The following CPSF1 variants were observed in gnomAD, a reference collection of about 807,000 sequenced individuals.
CPSF1 encodes cleavage and polyadenylation specific factor 1.
CPSF1 carries 106 observed loss-of-function variants against 175.8 expected under a neutral mutation model. That is an observed-to-expected ratio of 0.60 (90% CI 0.52 to 0.71). The LOEUF (loss-of-function observed/expected upper bound fraction) is 0.71. Ranked by LOEUF, CPSF1 falls within the 30% of genes least tolerant of loss-of-function variation. CPSF1 has a pLI of 0.00. For missense variants in CPSF1, 1,734 were observed against 2,022.9 expected, an observed-to-expected ratio of 0.86 and a Z score of 2.74; for synonymous variants, 1,024 against 858.3, an observed-to-expected ratio of 1.19 and a Z score of -3.37.
rs782713363 is a variant in CPSF1, at chr8:144,394,133, A to G, written c.3839T>C (p.Val1280Ala). ...CTCACCTTCGGGCAGGTACATGTAC[A>G]CCATGAGGTTGCGGTCGCGGTCAGA... ...LVSDRDRNLMVYMYLPEAKES... is the reference protein window; with the variant it reads ...LVSDRDRNLMAYMYLPEAKES... The change falls in exon 34 of 38, where the codon GTG becomes GCG. Residue 1280 changes from valine to alanine, a missense_variant. By Grantham distance (64) the Val-to-Ala change is moderately conservative. Coordinates refer to ENST00000616140, the MANE Select transcript of CPSF1 (RefSeq NM_013291.3). 6.2e-7 allele frequency: 1 copy of G among 1,612,886 alleles called. No homozygotes were observed. Among genetic ancestry groups the G allele is most frequent in the East Asian group, 2.2e-5 (1 of 44,870 alleles).
intron 23 of CPSF1, 37 bp downstream of exon 23, chr8:144,397,170 G>A: frequency 6.6e-7 from 1 of 1,505,896 alleles, no homozygotes; most frequent in South Asian, 1.2e-5. Context: ...GGGCCAGGGG[G>A]AAGATGGGAA....
At chr8:144,393,854 C>A (rs1554862413) in intron 35 of CPSF1, 29 bp downstream of exon 35, 4 of 1,601,834 alleles carry the variant, frequency 2.5e-6, no homozygotes, top group Non-Finnish European at 2.6e-6. Flanking sequence ...GGGCCCCCCA[C>A]CCAGACACAC....
intron 26 of CPSF1, chr8:144,395,832 C>T: frequency 1.8e-6 from 1 of 547,974 alleles, no homozygotes. Flanking sequence ...GGGCAGCCCA[C>T]AGACTGCCAT....
At chr8:144,406,281 C>T (rs1380938378) in intron 2 of CPSF1, among the ~76,000 whole-genome samples, 1 of 152,242 alleles carries the variant, frequency 6.6e-6, no homozygotes, top group Non-Finnish European at 1.5e-5. Context: ...TGACTCTCCT[C>T]CCCTGCTGGG....
chr8:144,407,854 G>A (rs2116909513), intron 2 of CPSF1, among the ~76,000 whole-genome samples: 14 of 152,098 alleles, frequency 9.2e-5, no homozygotes, highest in African/African-American at 1.7e-4. Context: ...CCTGAGATTC[G>A]GTTACAGGAC....
At chr8:144,407,022 C>A (rs1821534563) in intron 2 of CPSF1, among the ~76,000 whole-genome samples, 2 of 152,010 alleles carry the variant, frequency 1.3e-5, no homozygotes, top group South Asian at 4.2e-4. Context: ...TCAAGCAATT[C>A]TCCTGCCTCA....
In CPSF1 at chr8:144,399,360, C is replaced by T. The variant is rs2116861666; in HGVS notation, c.1308G>A (p.Ser436=). ...ATAGWSAAGK[S]VPQDEVDEIE... ...TCTCGTCCACCTCATCCTGCGGCACCGACTTACCCGCAGCTGCACACAGAG... is the reference window on the plus strand; with the variant it reads ...TCTCGTCCACCTCATCCTGCGGCACTGACTTACCCGCAGCTGCACACAGAG... Residue 436 remains serine (S), a synonymous_variant, in exon 14 of 38, where the codon TCG becomes TCA. Transcript: ENST00000616140. This position sits in a 1 kb window ranked among gnomAD's most constrained non-coding sequence, Gnocchi z 6.4. 109 of 1,612,656 alleles carry T rather than the reference C, an allele frequency of 6.8e-5. No individual in the cohort carries two copies. The highest frequency in any genetic ancestry group is 8.6e-5 in the Non-Finnish European group (102 of 1,179,984).
At chr8:144,395,933 C>G (rs1457591782) in intron 26 of CPSF1, 3 of 394,240 alleles carry the variant, frequency 7.6e-6, no homozygotes, top group African/African-American at 6.0e-5. Flanking sequence ...GCACTCACCG[C>G]ATCCCAGGCA....
chr8:144,393,566 G>T lies in CPSF1; in HGVS notation c.4170C>A (p.Thr1390=). 1 of 1,604,910 alleles carries T rather than the reference G, an allele frequency of 6.2e-7. No individual in the cohort carries two copies. The change falls in exon 37 of 38, where the codon ACC becomes ACA. Residue 1390 remains threonine, a synonymous_variant. Coordinates refer to ENST00000616140, the MANE Select transcript of CPSF1 (RefSeq NM_013291.3). ...AFRMLHVDRR[T]LQNAVRNVLD... ...GCACGTTGCGCACGGCATTCTGGAGGGTGCGGCGGTCCACGTGCAGCATCC... is the reference window on the plus strand; with the variant it reads ...GCACGTTGCGCACGGCATTCTGGAGTGTGCGGCGGTCCACGTGCAGCATCC...
intron 17 of CPSF1, 41 bp downstream of exon 17, chr8:144,398,738 G>A (rs187614846): frequency 2.8e-5 from 45 of 1,590,480 alleles, no homozygotes; most frequent in African/African-American, 2.5e-4. Flanking sequence ...AGGCAGCGCC[G>A]GTCCCATCCC....
At position 144,399,857 on chromosome 8, in the gene CPSF1, GT is replaced by G; in HGVS notation, c.1042del (p.Thr348ProfsTer123). 1 of 1,554,470 alleles carries G rather than the reference GT, an allele frequency of 6.4e-7. No homozygotes were observed. Among genetic ancestry groups the G allele is most frequent in the Non-Finnish European group, 8.7e-7 (1 of 1,149,314 alleles). ...ACTGCGCATGCCGTCGGTGATGAGG[GT>G]CAGCACGTAGCTGGGGGCAGGGAGA... ...SLKGGEIYVLTLITDGMRSVR... is the reference protein window; with the variant it reads ...SLKGGEIYVLXLITDGMRSVR... On this transcript the variant is annotated frameshift_variant, in exon 11 of 38. Transcript: ENST00000616140. LOFTEE classifies it high-confidence loss of function. This position sits in a 1 kb window ranked among gnomAD's most constrained non-coding sequence, Gnocchi z 6.4.
At chr8:144,407,034 C>G (rs1199191174) in intron 2 of CPSF1, among the ~76,000 whole-genome samples, 2 of 152,064 alleles carry the variant, frequency 1.3e-5, no homozygotes, top group African/African-American at 4.8e-5. Context: ...CCTGCCTCAG[C>G]CTCCTGAGTA....
At position 144,393,986 on chromosome 8, in the gene CPSF1, C is replaced by A. The variant is rs1554862505; in HGVS notation, c.3912G>T (p.Val1304=). ...MRLLRRADFH[V]GAHVNTFWRT... ...TCCAGAACGTGTTCACGTGGGCACCCACGTGGAAGTCTGCCCGACGCAGCA... is the reference window on the plus strand; with the variant it reads ...TCCAGAACGTGTTCACGTGGGCACCAACGTGGAAGTCTGCCCGACGCAGCA... The change falls in exon 35 of 38, where the codon GTG becomes GTT. Residue 1304 remains valine (V), a synonymous_variant. Transcript: ENST00000616140. 4 of 1,613,384 alleles carry A rather than the reference C, an allele frequency of 2.5e-6. No individual in the cohort carries two copies. The highest frequency in any genetic ancestry group is 1.3e-5 in the African/African-American group (1 of 74,930).
intron 2 of CPSF1, among the ~76,000 whole-genome samples, chr8:144,405,977 C>G (rs1821479341): frequency 6.6e-6 from 1 of 152,150 alleles, no homozygotes; most frequent in Admixed American, 6.5e-5. Flanking sequence ...GAGCCAAGGG[C>G]TCCCCACACT....
In CPSF1 at chr8:144,396,441, C is replaced by T; in HGVS notation, c.2886G>A (p.Arg962=). 2 of 1,596,870 alleles carry T rather than the reference C, an allele frequency of 1.3e-6. No individual in the cohort carries two copies. Among genetic ancestry groups the T allele is most frequent in the Non-Finnish European group, 1.7e-6 (2 of 1,173,380 alleles). Residue 962 remains arginine (R), a synonymous_variant, in exon 26 of 38, where the codon CGG becomes CGA. Coordinates refer to ENST00000616140, the MANE Select transcript of CPSF1 (RefSeq NM_013291.3). ...WLLVTGRGAL[R]LHPMAIDGPV... ...GGCCGTCGATGGCCATGGGGTGTAG[C>T]CGCAGAGCCCCTCGGCCGGTCACCA... is the stretch of plus-strand genomic sequence containing the variant.
chr8:144,395,331 T>G lies in CPSF1; in HGVS notation c.3121A>C (p.Asn1041His). ...CGTGGGATGCGGGCACACGGCGTGT[T>G]GGTGCTGGTGGCCACAGCATACACC... is the stretch of plus-strand genomic sequence containing the variant. ...SKVYAVATST[N>H]TPCARIPRMT... The change falls in exon 28 of 38, where the codon AAC becomes CAC. Residue 1041 changes from asparagine (N) to histidine (H), a missense_variant. Physicochemically the swap from Asn to His is moderately conservative, Grantham distance 68. Coordinates refer to ENST00000616140, the MANE Select transcript of CPSF1 (RefSeq NM_013291.3). 2 of 1,612,776 alleles carry G rather than the reference T, an allele frequency of 1.2e-6. No individual in the cohort carries two copies. The highest frequency in any genetic ancestry group is 2.2e-5 in the South Asian group (2 of 91,040).
At chr8:144,396,534 A>C in intron 25 of CPSF1, 34 bp from the exon 26 acceptor site, 1 of 1,609,770 alleles carries the variant, frequency 6.2e-7, no homozygotes, top group African/African-American at 1.3e-5. Context: ...GCTGTGGATG[A>C]GGATGCTGCG....
intron 9 of CPSF1, 31 bp downstream of exon 9, chr8:144,400,135 G>GGGGGGGGGCCCCCCCCCCCCCCCCCC: frequency 4.5e-6 from 4 of 896,008 alleles, no homozygotes; most frequent in Non-Finnish European, 6.4e-6. Context: ...CCGTCCCCGG[G>GGGGGGGGGCCCCCCCCCCCCCCCCCC]CCCCCCCCGC....
Position 144,399,081 on chromosome 8 carries a change from C to A in CPSF1, c.1468-43G>T, listed in dbSNP as rs1481985253. The A allele has an allele frequency of 4.5e-6, 7 of 1,546,004 alleles. No homozygotes were observed. The highest frequency in any genetic ancestry group is 6.1e-6 in the Non-Finnish European group (7 of 1,144,356). ...GTGAGGACTATGCCCCCCACCCCCC[C>A]TCACACTCCAGCCCCTGCCCCCAGC... On this transcript the variant is annotated intron_variant, in intron 15 of 37. Coordinates refer to ENST00000616140, the MANE Select transcript of CPSF1 (RefSeq NM_013291.3). This position sits in a 1 kb window ranked among gnomAD's most constrained non-coding sequence, Gnocchi z 6.4.
Sources: allele counts gnomAD v4.1 joint callset (sites outside exome capture counted in the v4.1 genomes callset), GRCh38; gene constraint gnomAD v4.1.1; non-coding constraint Gnocchi (gnomAD v3.1); transcripts MANE v1.5; gene names NCBI Gene and HGNC (gene_info 2026-07-23, HGNC 2026-07-21).